TMEM8B: variants seen among roughly 807,000 people sequenced by gnomAD.
The protein encoded by TMEM8B is transmembrane protein 8B, also known as nasopharyngeal carcinoma expressed 6.
In TMEM8B, 29 loss-of-function variants were observed where a neutral mutation model predicts 49.3. The ratio of observed to expected loss-of-function variants is 0.59; its 90% CI spans 0.44 to 0.80. The LOEUF is 0.80. Ranked by LOEUF, TMEM8B falls within the 30% of genes least tolerant of loss-of-function variation. The probability of loss-of-function intolerance (pLI) is 0.00; values close to 1 mark genes in which losing one functional copy is unlikely to be tolerated. For synonymous variants in TMEM8B, 264 were observed against 272.8 expected, an observed-to-expected ratio of 0.97 and a Z score of 0.32; for missense variants, 575 against 658.5, an observed-to-expected ratio of 0.87 and a Z score of 1.39.
Position 35,856,519 on chromosome 9 carries a change from T to G in TMEM8B, c.*2679T>G, listed in dbSNP as rs978153231. ...GGAAATGAGGAGCCATTGGAGAGAT[T>G]AAGCAGGAGAGGAACATCAGATTGG... On this transcript the variant is annotated 3_prime_UTR_variant, in exon 13 of 13. Coordinates refer to ENST00000643932, the MANE Select transcript of TMEM8B (RefSeq NM_001042590.4). 1.3e-5 allele frequency: 2 copies of G among 152,190 alleles called. No individual in the cohort carries two copies. The highest frequency in any genetic ancestry group is 2.9e-5 in the Non-Finnish European group (2 of 68,068). The allele number at this position is 152,190 out of a possible 1,614,324, so 9.4% of individuals were successfully genotyped here. A position where few individuals can be genotyped will look rare whatever the true frequency, so the allele number is the denominator to read the frequency against.
intron 3 of TMEM8B, among the ~76,000 whole-genome samples, chr9:35,835,835 G>T (rs1830396274): frequency 6.6e-6 from 1 of 152,212 alleles, no homozygotes; most frequent in South Asian, 2.1e-4. Context: ...ATTTCACAGA[G>T]GTTGTTAAAG....
rs149650735 is a variant in TMEM8B at position 35,852,222 on chromosome 9, A to G, written c.2176-605A>G. Among the ~76,000 whole-genome samples the G allele has an allele frequency of 7.2e-3, 1,095 of 152,008 alleles. 12 individuals are homozygous for G. Among genetic ancestry groups the G allele is most frequent in the African/African-American group, 0.025 (1,026 of 41,464 alleles). The stretch of plus-strand genomic sequence containing the variant: ...GTTCTCCAGAGTGTAGGATGGGTGG[A>G]CACTGTCCCCTCTCCATGTTCTTCC... On this transcript the variant is annotated intron_variant, in intron 10 of 12. Transcript: ENST00000643932.
At chr9:35,839,527 A>G (rs1484149895) in intron 3 of TMEM8B, among the ~76,000 whole-genome samples, 1 of 152,232 alleles carries the variant, frequency 6.6e-6, no homozygotes, top group African/African-American at 2.4e-5. Flanking sequence ...CACGTTACAC[A>G]GTTGAAGGAA....
intron 3 of TMEM8B, among the ~76,000 whole-genome samples, chr9:35,840,309 A>C (rs1830844388): frequency 6.6e-6 from 1 of 152,198 alleles, no homozygotes; most frequent in Admixed American, 6.5e-5. Context: ...GGTCCCTTGA[A>C]GGCAGAGTTG....
chr9:35,850,575 A>C (rs1254498427), intron 10 of TMEM8B, among the ~76,000 whole-genome samples: 1 of 152,226 alleles, frequency 6.6e-6, no homozygotes, highest in Non-Finnish European at 1.5e-5. Context: ...GAAAATAATT[A>C]GTCGTAAAAT....
Position 35,859,489 on chromosome 9 carries a change from G to A in TMEM8B, c.*5649G>A, listed in dbSNP as rs993819211. ...TTGATGACGTGGCCACAGAAGGGGA[G>A]GTGCCAGACAAGGATGGACTGTAGC... On this transcript the variant is annotated 3_prime_UTR_variant, in exon 13 of 13. Coordinates refer to ENST00000643932, the MANE Select transcript of TMEM8B (RefSeq NM_001042590.4). 8 of 153,688 alleles carry A rather than the reference G, an allele frequency of 5.2e-5. No homozygotes were observed. The highest frequency in any genetic ancestry group is 2.1e-4 in the South Asian group (1 of 4,856). 9.5% of individuals were successfully genotyped at this position (153,688 alleles called of 1,614,324 possible).
At position 35,841,482 on chromosome 9, in the gene TMEM8B, G is replaced by A. The variant is rs892559619; in HGVS notation, c.1041-44G>A. The stretch of plus-strand genomic sequence containing the variant: ...GCTTCCCTTGCCCTGTGTTCCTCTC[G>A]CCTCTGTTTGTGCCTTCTTACCCCC... On this transcript the variant is annotated intron_variant, in intron 4 of 12. Transcript: ENST00000643932. The surrounding 1 kb of genome is among the most constrained non-coding windows in gnomAD (Gnocchi z 5.9). The A allele has an allele frequency of 1.4e-5, 6 of 415,126 alleles. No individual in the cohort carries two copies. The highest frequency in any genetic ancestry group is 1.3e-4 in the South Asian group (1 of 7,972). The allele number at this position is 415,126 out of a possible 1,614,324, so 25.7% of individuals were successfully genotyped here. A position where few individuals can be genotyped will look rare whatever the true frequency, so the allele number is the denominator to read the frequency against.
At chr9:35,847,062 T>G in intron 10 of TMEM8B, 67 bp downstream of exon 10, 1 of 1,614,224 alleles carries the variant, frequency 6.2e-7, no homozygotes, top group Non-Finnish European at 8.5e-7. Flanking sequence ...AGTCTGTATT[T>G]CCACCACGTT....
chr9:35,852,491 G>A (rs1425174797), intron 10 of TMEM8B, among the ~76,000 whole-genome samples: 2 of 152,160 alleles, frequency 1.3e-5, no homozygotes, highest in Non-Finnish European at 2.9e-5. Flanking sequence ...TCCATGGTGA[G>A]CATGAGGAGA....
chr9:35,847,205 T>A, intron 10 of TMEM8B: 3 of 1,532,458 alleles, frequency 2.0e-6, no homozygotes, highest in Non-Finnish European at 2.7e-6. Context: ...CAAAACTGTT[T>A]GCAACTTAAT....
Position 35,848,983 on chromosome 9 carries a change from A to G in TMEM8B, c.2175+1988A>G, listed in dbSNP as rs530057264. ...CCACTGCGCCGGGCCAAAATCTCAC[A>G]TTTTCTTAAATAAGGCAATAAGGAA... On this transcript the variant is annotated intron_variant, in intron 10 of 12. Coordinates refer to ENST00000643932, the MANE Select transcript of TMEM8B (RefSeq NM_001042590.4). 7.2e-5 allele frequency among the ~76,000 whole-genome samples: 11 copies of G among 151,928 alleles called. No homozygotes were observed. In the East Asian group the frequency reaches 2.1e-3, roughly 29 times the overall value.
chr9:35,842,309 C>A lies in TMEM8B; in HGVS notation c.1310-83C>A. 1.8e-6 allele frequency: 2 copies of A among 1,110,354 alleles called. No individual in the cohort carries two copies. Among genetic ancestry groups the A allele is most frequent in the South Asian group, 1.9e-5 (1 of 53,082 alleles). The allele number at this position is 1,110,354 out of a possible 1,614,324, so 68.8% of individuals were successfully genotyped here. On this transcript the variant is annotated intron_variant, in intron 5 of 12. Coordinates refer to ENST00000643932, the MANE Select transcript of TMEM8B (RefSeq NM_001042590.4). The surrounding 1 kb of genome is among the most constrained non-coding windows in gnomAD (Gnocchi z 5.6). ...CATCCTTCCCCACTCTTTGCGAAAT[C>A]CTGTCTAGCTCAGATGTGTTTATGA...
intron 10 of TMEM8B, among the ~76,000 whole-genome samples, chr9:35,851,021 C>A (rs986356780): frequency 6.6e-6 from 1 of 152,258 alleles, no homozygotes; most frequent in Admixed American, 6.5e-5. Flanking sequence ...TGTTTAGGAA[C>A]TAAATTAACT....
rs1478035788 is a variant in TMEM8B at position 35,832,854 on chromosome 9, G to A, written c.509-1607G>A. Among the ~76,000 whole-genome samples, 5 of 152,284 alleles carry A rather than the reference G, an allele frequency of 3.3e-5. No individual in the cohort carries two copies. The South Asian group carries it at 6.2e-4, about 19-fold the overall frequency. The stretch of plus-strand genomic sequence containing the variant: ...CACAGCTAGGGTTCCTAGGAAACCC[G>A]TCTCTTCCATCAGTCGGTCCCATTT... On this transcript the variant is annotated intron_variant, in intron 1 of 12. Coordinates refer to ENST00000643932, the MANE Select transcript of TMEM8B (RefSeq NM_001042590.4).
chr9:35,843,144 C>A (rs1831190337), intron 6 of TMEM8B, among the ~76,000 whole-genome samples: 1 of 152,152 alleles, frequency 6.6e-6, no homozygotes, highest in African/African-American at 2.4e-5. Flanking sequence ...ACCCACTCAT[C>A]TTTGATTCAG....
intron 10 of TMEM8B, 123 bp downstream of exon 10, chr9:35,847,118 G>C: frequency 2.5e-6 from 4 of 1,614,230 alleles, no homozygotes; most frequent in Non-Finnish European, 3.4e-6. Flanking sequence ...GTCTTCTACA[G>C]ACAGAGACAG....
At position 35,853,660 on chromosome 9, in the gene TMEM8B, G is replaced by A; in HGVS notation, c.2595G>A (p.Trp865Ter). The A allele has an allele frequency of 6.2e-7, 1 of 1,614,194 alleles. No homozygotes were observed. The highest frequency in any genetic ancestry group is 1.7e-5 in the Admixed American group (1 of 60,032). The change falls in exon 13 of 13, where the codon TGG becomes TGA. Residue 865 changes from tryptophan to a stop codon, truncating the protein, a stop_gained. Transcript: ENST00000643932. LOFTEE classifies it high-confidence loss of function. This position sits in a 1 kb window ranked among gnomAD's most constrained non-coding sequence, Gnocchi z 4.2. ...RDNYFYIHSIWHMLIAGSVGF... is the reference protein window; with the variant it reads ...RDNYFYIHSI ...ACTACTTCTACATTCACAGCATTTG[G>A]CATATGCTCATTGCGGGCAGTGTGG...
chr9:35,835,333 G>C (rs1212970556), intron 3 of TMEM8B, 115 bp downstream of exon 3: 5 of 402,422 alleles, frequency 1.2e-5, no homozygotes, highest in Non-Finnish European at 1.8e-5. Context: ...AGCAGCACAA[G>C]GGTGGCTGGG....
intron 10 of TMEM8B, among the ~76,000 whole-genome samples, chr9:35,849,206 G>A (rs531396719): frequency 3.9e-5 from 6 of 152,224 alleles, no homozygotes; most frequent in Non-Finnish European, 8.8e-5. Flanking sequence ...GTCAGTACTA[G>A]GACAGGAGAT....
Sources: gnomAD v4.1 joint callset for allele counts (sites outside exome capture counted in the v4.1 genomes callset) on GRCh38, gnomAD v4.1.1 for gene constraint, Gnocchi (gnomAD v3.1) non-coding constraint, MANE v1.5 for transcripts, NCBI Gene and HGNC (gene_info 2026-07-23, HGNC 2026-07-21) for gene names.